The following LMCD1 variants were observed in gnomAD, a reference collection of about 807,000 sequenced individuals.
LMCD1 encodes the protein LIM and cysteine-rich domains protein 1.
In LMCD1, 32 loss-of-function variants were observed where a neutral mutation model predicts 42.7. That is an observed-to-expected ratio of 0.75 (90% CI 0.57 to 1.01). LMCD1 has a LOEUF of 1.01. LMCD1 is among the 50% of genes least tolerant of loss of function. The pLI, the probability that LMCD1 is intolerant of heterozygous loss-of-function variation, is 0.00. For synonymous variants in LMCD1, 178 were observed against 184.9 expected, an observed-to-expected ratio of 0.96 and a Z score of 0.30; for missense variants, 458 against 483.1, an observed-to-expected ratio of 0.95 and a Z score of 0.49.
At chr3:8,550,751 G>A in intron 4 of LMCD1, 9 of 985,064 alleles carry the variant, frequency 9.1e-6, no homozygotes, top group Non-Finnish European at 1.1e-5. Context: ...CCCTGATCCT[G>A]GCTTCTGTCC....
chr3:8,504,337 G>T (rs947484310), intron 1 of LMCD1, among the ~76,000 whole-genome samples: 8 of 152,152 alleles, frequency 5.3e-5, no homozygotes, highest in Non-Finnish European at 8.8e-5. Flanking sequence ...ATGTGGGGGA[G>T]GTTTATAACA....
intron 4 of LMCD1, among the ~76,000 whole-genome samples, chr3:8,562,165 C>T (rs1368312073): frequency 6.6e-6 from 1 of 152,144 alleles, no homozygotes. Context: ...GAGTTGAGGT[C>T]CACCTTGTCA....
intron 3 of LMCD1, among the ~76,000 whole-genome samples, chr3:8,543,456 G>C (rs62242269): frequency 8.3e-5 from 12 of 145,354 alleles, no homozygotes; most frequent in Non-Finnish European, 1.8e-4. Context: ...GACAGACAGA[G>C]AGATAGACAG....
rs1039112448 is a variant in LMCD1, at chr3:8,568,291, T to C, written c.*693T>C. ...CCCCGCCCCACCTGCCTATTCCAGA[T>C]ACTCCCAGATCACTAATGTAACAAA... On this transcript the variant is annotated 3_prime_UTR_variant, in exon 6 of 6. Transcript: ENST00000157600. 4 of 152,176 alleles carry C rather than the reference T, an allele frequency of 2.6e-5. No homozygotes were observed. Among genetic ancestry groups the C allele is most frequent in the Admixed American group, 2.0e-4 (3 of 15,280 alleles). The allele number at this position is 152,176 out of a possible 1,614,324, so 9.4% of individuals were successfully genotyped here.
intron 2 of LMCD1, among the ~76,000 whole-genome samples, chr3:8,534,249 C>T (rs998626905): frequency 7.9e-5 from 12 of 151,920 alleles, no homozygotes; most frequent in East Asian, 2.0e-4. Context: ...TCTCAAGGAC[C>T]TCAATCCTGT....
intron 3 of LMCD1, among the ~76,000 whole-genome samples, chr3:8,539,149 T>A (rs1267371114): frequency 6.6e-6 from 1 of 152,114 alleles, no homozygotes; most frequent in Non-Finnish European, 1.5e-5. Context: ...CTGCAATAAG[T>A]AAAAAACAAA....
intron 3 of LMCD1, among the ~76,000 whole-genome samples, chr3:8,547,701 G>T (rs917772863): frequency 6.6e-6 from 1 of 151,810 alleles, no homozygotes; most frequent in African/African-American, 2.4e-5. Context: ...GACCATCCCG[G>T]CTAACACGGT....
intron 3 of LMCD1, among the ~76,000 whole-genome samples, chr3:8,542,481 G>A (rs956839746): frequency 5.9e-5 from 9 of 152,148 alleles, no homozygotes; most frequent in South Asian, 2.1e-4. Flanking sequence ...TGGCGAAGCC[G>A]CTGCCCCAGG....
rs7427817 is a variant in LMCD1 at position 8,502,288 on chromosome 3, A to T, written c.42+308A>T. ...TAAAATATATATATAAAATATATAT[A>T]ATATATATTATATATAATATATAAA... is the stretch of plus-strand genomic sequence containing the variant. On this transcript the variant is annotated intron_variant, in intron 1 of 5. Transcript: ENST00000157600. Among the ~76,000 whole-genome samples the T allele has an allele frequency of 8.5e-4, 28 of 33,024 alleles. 1 individual carries two copies. The South Asian group carries it at 0.019, about 22-fold the overall frequency. 21.7% of individuals were successfully genotyped at this position (33,024 alleles called of 152,430 possible).
At chr3:8,549,979 C>T in intron 4 of LMCD1, 1 of 1,406,944 alleles carries the variant, frequency 7.1e-7, no homozygotes, top group Non-Finnish European at 9.7e-7. Flanking sequence ...TCTTAAAGGC[C>T]CCACCTCTCA....
intron 3 of LMCD1, among the ~76,000 whole-genome samples, chr3:8,542,719 G>A (rs547240272): frequency 4.6e-5 from 7 of 152,256 alleles, no homozygotes; most frequent in Non-Finnish European, 1.0e-4. Context: ...AAGGGCTTGA[G>A]ACCCATGCTG....
chr3:8,543,965 A>C (rs779034735), intron 3 of LMCD1, among the ~76,000 whole-genome samples: 5 of 152,198 alleles, frequency 3.3e-5, no homozygotes, highest in Non-Finnish European at 7.3e-5. Context: ...CAGATACCCC[A>C]GTCTCCTAAG....
At chr3:8,522,727 A>G (rs1694229226) in intron 1 of LMCD1, among the ~76,000 whole-genome samples, 1 of 152,210 alleles carries the variant, frequency 6.6e-6, no homozygotes, top group Non-Finnish European at 1.5e-5. Context: ...CCCAAACCTA[A>G]ATTCTCCCTT....
At chr3:8,531,161 C>T (rs950199595) in intron 1 of LMCD1, among the ~76,000 whole-genome samples, 3 of 152,338 alleles carry the variant, frequency 2.0e-5, no homozygotes, top group Middle Eastern at 6.8e-3. Context: ...AGTTTCACTG[C>T]TTGTATTTTC....
At chr3:8,538,493 C>A (rs1694553747) in intron 3 of LMCD1, among the ~76,000 whole-genome samples, 1 of 152,194 alleles carries the variant, frequency 6.6e-6, no homozygotes. Flanking sequence ...ATCCTTCAGG[C>A]TCCTCCATGG....
rs756708476 is a variant in LMCD1 at position 8,565,625 on chromosome 3, C to T, written c.917C>T (p.Pro306Leu). 2 of 1,606,904 alleles carry T rather than the reference C, an allele frequency of 1.2e-6. No homozygotes were observed. Among genetic ancestry groups the T allele is most frequent in the East Asian group, 2.2e-5 (1 of 44,640 alleles). Residue 306 changes from proline to leucine, a missense_variant, in exon 5 of 6, where the codon CCC becomes CTC. By Grantham distance (98) the Pro-to-Leu change is moderately conservative (BLOSUM62 -3). Transcript: ENST00000157600. The stretch of plus-strand genomic sequence containing the variant: ...CGCCATTACTGCGAGAGTCTGCGGC[C>T]CCGGTGCTCCGGCTGCGATGAGGTG... The part of the protein sequence containing the change: ...CGRHYCESLR[P>L]RCSGCDEIIF...
intron 4 of LMCD1, among the ~76,000 whole-genome samples, chr3:8,561,083 A>ATAAG (rs1332201153): frequency 5.9e-5 from 9 of 152,252 alleles, no homozygotes; most frequent in Admixed American, 1.3e-4. Context: ...ATCAAAGTAT[A>ATAAG]TAAGTTAAGA....
intron 1 of LMCD1, among the ~76,000 whole-genome samples, chr3:8,529,391 C>A (rs1694362519): frequency 6.6e-6 from 1 of 152,222 alleles, no homozygotes; most frequent in Non-Finnish European, 1.5e-5. Flanking sequence ...TGGAAACTGT[C>A]CCACTAGCAG....
intron 2 of LMCD1, among the ~76,000 whole-genome samples, chr3:8,535,776 C>T (rs1286512619): frequency 2.0e-5 from 3 of 152,216 alleles, no homozygotes; most frequent in Admixed American, 6.5e-5. Flanking sequence ...TTAAAGGTCA[C>T]AACAAGGCCT....
Sources: gnomAD v4.1 joint callset for allele counts (sites outside exome capture counted in the v4.1 genomes callset) on GRCh38, gnomAD v4.1.1 for gene constraint, MANE v1.5 for transcripts, NCBI Gene and HGNC (gene_info 2026-07-23, HGNC 2026-07-21) for gene names.